The following VPS13A variants were observed in gnomAD, a reference collection of about 807,000 sequenced individuals.
VPS13A encodes vacuolar protein sorting 13 homolog A.
A neutral mutation model predicts 390.9 loss-of-function variants in VPS13A; 264 were observed. The observed-to-expected ratio is 0.68, with a 90% CI of 0.61 to 0.75. VPS13A has a LOEUF of 0.75. Among genes scored for constraint, VPS13A ranks in the 30% least tolerant of loss-of-function variants. VPS13A has a pLI of 0.00. For missense variants in VPS13A, 3,409 were observed against 3,733.9 expected (o/e 0.91, Z 2.27); for synonymous variants, 1,231 against 1,227.1 (o/e 1.00, Z -0.07).
rs1301426403 is a variant in VPS13A at position 77,216,953 on chromosome 9, G to A, written c.754+2567G>A. Among the ~76,000 whole-genome samples, 3 of 152,296 alleles carry A rather than the reference G, an allele frequency of 2.0e-5. No homozygotes were observed. In the East Asian group the frequency reaches 5.8e-4, roughly 29 times the overall value. On this transcript the variant is annotated intron_variant, in intron 10 of 71. Transcript: ENST00000360280. ...TGCTTTTATTCTGGCCATGCTGGCA[G>A]CTGATTAGATTGTGCCCACCCAGAT...
rs1232551389 is a variant in VPS13A at position 77,417,917 on chromosome 9, ACTC to A, written c.*1912_*1914del. The A allele has an allele frequency of 6.6e-6, 1 of 151,970 alleles. No homozygotes were observed. Among genetic ancestry groups the A allele is most frequent in the Non-Finnish European group, 1.5e-5 (1 of 68,018 alleles). The allele number at this position is 151,970 out of a possible 1,614,324, so 9.4% of individuals were successfully genotyped here. A position where few individuals can be genotyped will look rare whatever the true frequency, so the allele number is the denominator to read the frequency against. Reference sequence around the variant, plus strand: ...TCTCTCCTTTCCCTGCCACTCGTTTACTCATCACCTCCTCCCATCACTTCCTTG... The same window carrying A: ...TCTCTCCTTTCCCTGCCACTCGTTTAATCACCTCCTCCCATCACTTCCTTG... On this transcript the variant is annotated 3_prime_UTR_variant, in exon 72 of 72. Coordinates refer to ENST00000360280, the MANE Select transcript of VPS13A (RefSeq NM_033305.3).
At chr9:77,208,809 C>G (rs1825815992) in intron 5 of VPS13A, among the ~76,000 whole-genome samples, 1 of 152,216 alleles carries the variant, frequency 6.6e-6, no homozygotes, top group African/African-American at 2.4e-5. Flanking sequence ...CTTGGCCTCC[C>G]AGAGTGCTGG....
rs72746102 is a variant in VPS13A, at chr9:77,371,446, C to T, written c.9077+297C>T. Among the ~76,000 whole-genome samples, 13,372 of 151,996 alleles carry T rather than the reference C, an allele frequency of 0.088. 679 individuals carry two copies. The highest frequency in any genetic ancestry group is 0.14 in the East Asian group (695 of 5,128). ...AGAAGAAAAAAGGGAACCAAAGTCACCCTTTTATAAGGAACCCACTCCCAC... is the reference window on the plus strand; with the variant it reads ...AGAAGAAAAAAGGGAACCAAAGTCATCCTTTTATAAGGAACCCACTCCCAC... On this transcript the variant is annotated intron_variant, in intron 67 of 71. Transcript: ENST00000360280.
At chr9:77,279,913 C>T (rs972527691) in intron 26 of VPS13A, 1 of 273,064 alleles carries the variant, frequency 3.7e-6, no homozygotes, top group Non-Finnish European at 7.0e-6. Context: ...TACCTCCTAT[C>T]TAGGTTTAGA....
chr9:77,379,446 G>A (rs1382698274), intron 67 of VPS13A, among the ~76,000 whole-genome samples: 2 of 151,982 alleles, frequency 1.3e-5, no homozygotes, highest in Non-Finnish European at 2.9e-5. Flanking sequence ...CTCCATGTTG[G>A]TCAGGCTGAT....
At position 77,368,363 on chromosome 9, in the gene VPS13A, G is replaced by A. The variant is rs72746098; in HGVS notation, c.8553+227G>A. Among the ~76,000 whole-genome samples the A allele has an allele frequency of 0.058, 8,879 of 152,178 alleles. 371 individuals are homozygous for A. Among genetic ancestry groups the A allele is most frequent in the South Asian group, 0.12 (586 of 4,822 alleles). On this transcript the variant is annotated intron_variant, in intron 62 of 71. Transcript: ENST00000360280. ...ACTGAGAGAAATTTTTTGTGGATCAGCAGGACTGGAAATAAATAAATCTTT... is the reference window on the plus strand; with the variant it reads ...ACTGAGAGAAATTTTTTGTGGATCAACAGGACTGGAAATAAATAAATCTTT...
chr9:77,218,175 G>T (rs1471247215), intron 10 of VPS13A, among the ~76,000 whole-genome samples: 1 of 147,078 alleles, frequency 6.8e-6, no homozygotes, highest in African/African-American at 2.5e-5. Context: ...GTGCAGTGGC[G>T]CAATCTTGGC....
chr9:77,330,458 G>T (rs538145674), intron 45 of VPS13A, among the ~76,000 whole-genome samples: 1 of 151,978 alleles, frequency 6.6e-6, no homozygotes, highest in Non-Finnish European at 1.5e-5. Context: ...AACTTTTTCC[G>T]CACTAAATTT....
At chr9:77,195,604 G>A (rs1226406934) in intron 1 of VPS13A, among the ~76,000 whole-genome samples, 3 of 152,084 alleles carry the variant, frequency 2.0e-5, no homozygotes, top group African/African-American at 4.8e-5. Flanking sequence ...GGGCATGGTG[G>A]TGGGCCCCTG....
In VPS13A at chr9:77,417,554, A is replaced by G. The variant is rs1239372777; in HGVS notation, c.*1548A>G. 1 of 152,182 alleles carries G rather than the reference A, an allele frequency of 6.6e-6. No homozygotes were observed. Among genetic ancestry groups the G allele is most frequent in the East Asian group, 1.9e-4 (1 of 5,196 alleles). 9.4% of individuals were successfully genotyped at this position (152,182 alleles called of 1,614,324 possible). On this transcript the variant is annotated 3_prime_UTR_variant, in exon 72 of 72. Coordinates refer to ENST00000360280, the MANE Select transcript of VPS13A (RefSeq NM_033305.3). ...ATGTTGACCTTTGTTTAAAAAAAAA[A>G]AAAAGTGCTTATTTTCTCTGTCGCT...
At position 77,188,996 on chromosome 9, in the gene VPS13A, C is replaced by T. The variant is rs142418583; in HGVS notation, c.101-10949C>T. Among the ~76,000 whole-genome samples, 37 of 151,866 alleles carry T rather than the reference C, an allele frequency of 2.4e-4. No individual in the cohort carries two copies. The East Asian group carries it at 7.0e-3, about 29-fold the overall frequency. ...CTGCTTGTTTGTTTAAGTTCCTTATCGATTCTGGATAATTAGATCTTTGTT... is the reference window on the plus strand; with the variant it reads ...CTGCTTGTTTGTTTAAGTTCCTTATTGATTCTGGATAATTAGATCTTTGTT... On this transcript the variant is annotated intron_variant, in intron 1 of 71. Coordinates refer to ENST00000360280, the MANE Select transcript of VPS13A (RefSeq NM_033305.3).
At position 77,384,657 on chromosome 9, in the gene VPS13A, GATGATGAGTCAGATCTAAACC is replaced by G. The variant is rs1833607203; in HGVS notation, c.9189+2573_9189+2593del. The G allele has an allele frequency of 1.9e-6, 3 of 1,603,534 alleles. No homozygotes were observed. The Admixed American group carries it at 5.0e-5, about 27-fold the overall frequency. On this transcript the variant is annotated intron_variant, in intron 68 of 71. Transcript: ENST00000360280. ...TGATGATGATGATGATGATGATGAT[GATGATGAGTCAGATCTAAACC>G]ATTAAAATTCATATGTTCTTTATTT...
chr9:77,355,207 A>G (rs987603233), intron 54 of VPS13A, among the ~76,000 whole-genome samples: 2 of 152,140 alleles, frequency 1.3e-5, no homozygotes, highest in Non-Finnish European at 2.9e-5. Flanking sequence ...AACCACTCCA[A>G]ACAGGGTTTT....
rs774883207 is a variant in VPS13A, at chr9:77,282,166, C to T, written c.3010C>T (p.Leu1004=). 1 of 1,613,502 alleles carries T rather than the reference C, an allele frequency of 6.2e-7. No homozygotes were observed. The highest frequency in any genetic ancestry group is 8.5e-7 in the Non-Finnish European group (1 of 1,179,656). The change falls in exon 29 of 72, where the codon CTG becomes TTG. Residue 1004 remains leucine, a synonymous_variant. Coordinates refer to ENST00000360280, the MANE Select transcript of VPS13A (RefSeq NM_033305.3). The part of the protein sequence containing the change: ...LDIHLHTEAL[L]NTINYLHNIL... ...TATTCATTTACACACTGAAGCACTT[C>T]TGAATACAATAAATTATCTTCATAA...
At chr9:77,391,213 C>T (rs2131629153) in intron 68 of VPS13A, among the ~76,000 whole-genome samples, 1 of 152,288 alleles carries the variant, frequency 6.6e-6, no homozygotes, top group East Asian at 1.9e-4. Flanking sequence ...TTACCTTGGA[C>T]ACAAAGATTC....
At chr9:77,379,803 T>C (rs1178094658) in intron 67 of VPS13A, among the ~76,000 whole-genome samples, 1 of 152,246 alleles carries the variant, frequency 6.6e-6, no homozygotes, top group Non-Finnish European at 1.5e-5. Flanking sequence ...TCCGTTGCAC[T>C]TGAGAAGAAT....
rs374468479 is a variant in VPS13A at position 77,300,472 on chromosome 9, C to T, written c.3813-2443C>T. Among the ~76,000 whole-genome samples the T allele has an allele frequency of 9.3e-4, 141 of 152,256 alleles. 2 individuals carry two copies. The South Asian group carries it at 0.029, about 31-fold the overall frequency. On this transcript the variant is annotated intron_variant, in intron 33 of 71. Transcript: ENST00000360280. ...AGTTGCTGGGCACGTTGGCTTACGC[C>T]TGTAAACCCAGCACTTTGGGAGGTT...
chr9:77,402,747 C>T (rs1428446094), intron 68 of VPS13A, among the ~76,000 whole-genome samples: 1 of 152,150 alleles, frequency 6.6e-6, no homozygotes, highest in Non-Finnish European at 1.5e-5. Flanking sequence ...TGTCCAGAAA[C>T]TCTCTGCTCT....
chr9:77,221,812 C>G (rs1021052360), intron 13 of VPS13A, among the ~76,000 whole-genome samples: 1 of 152,068 alleles, frequency 6.6e-6, no homozygotes, highest in African/African-American at 2.4e-5. Context: ...TGCTACCTGC[C>G]TTTATCTCTC....
Sources: allele counts gnomAD v4.1 joint callset (sites outside exome capture counted in the v4.1 genomes callset), GRCh38; gene constraint gnomAD v4.1.1; transcripts MANE v1.5; gene names NCBI Gene and HGNC (gene_info 2026-07-23, HGNC 2026-07-21).